The following MAP7 variants were observed in gnomAD, a reference collection of about 807,000 sequenced individuals.
MAP7 encodes the protein ensconsin.
MAP7 carries 52 observed loss-of-function variants against 94.8 expected under a neutral mutation model. The observed-to-expected ratio is 0.55, with a 90% confidence interval of 0.44 to 0.69. The LOEUF is 0.69. Among genes scored for constraint, MAP7 ranks in the 30% least tolerant of loss-of-function variants. The pLI is 0.00. For synonymous variants in MAP7, 350 were observed against 357.0 expected (o/e 0.98, Z 0.22); for missense variants, 940 against 964.6 (o/e 0.97, Z 0.34).
At position 136,365,861 on chromosome 6, in the gene MAP7, T is replaced by C; in HGVS notation, c.1147A>G (p.Lys383Glu). The change falls in exon 10 of 18, where the codon AAA (lysine) becomes GAA (glutamate). Residue 383 changes from lysine to glutamate, a missense_variant. Lys to Glu is a moderately conservative substitution (Grantham distance 56). Transcript: ENST00000354570. ...KREVKVEPEKKDPEKEPQKVA... is the reference protein window; with the variant it reads ...KREVKVEPEKEDPEKEPQKVA... ...TTCTGAGGTTCCTTCTCAGGATCTTTCTTCTCAGGCTCCACTTTGACTTCC... is the reference window on the plus strand; with the variant it reads ...TTCTGAGGTTCCTTCTCAGGATCTTCCTTCTCAGGCTCCACTTTGACTTCC... The C allele has an allele frequency of 6.2e-7, 1 of 1,614,158 alleles. No individual in the cohort carries two copies. The highest frequency in any genetic ancestry group is 8.5e-7 in the Non-Finnish European group (1 of 1,180,028).
At chr6:136,401,967 T>C (rs1784226151) in intron 3 of MAP7, among the ~76,000 whole-genome samples, 2 of 152,298 alleles carry the variant, frequency 1.3e-5, no homozygotes, top group South Asian at 4.1e-4. Context: ...CTCAGAGATA[T>C]CTTCCTCAAG....
chr6:136,423,873 G>A (rs574212813), intron 1 of MAP7, among the ~76,000 whole-genome samples: 17 of 150,482 alleles, frequency 1.1e-4, no homozygotes, highest in African/African-American at 1.9e-4. Flanking sequence ...TTGGCTCACC[G>A]GCAACCCCCG....
intron 1 of MAP7, among the ~76,000 whole-genome samples, chr6:136,520,226 A>C (rs1825997803): frequency 6.6e-6 from 1 of 150,474 alleles, no homozygotes; most frequent in African/African-American, 2.5e-5. Flanking sequence ...AGGGGGGAGG[A>C]GCAGGAGGAG....
At chr6:136,456,822 G>GAAGAAGAAGAAGAAGGAAGAAGAA in intron 1 of MAP7, among the ~76,000 whole-genome samples, 1 of 69,040 alleles carries the variant, frequency 1.4e-5, no homozygotes, top group East Asian at 6.8e-4. Context: ...AGAAGAAGAA[G>GAAGAAGAAGAAGAAGGAAGAAGAA]GAAGAAGAAG....
In MAP7 at chr6:136,365,809, C is replaced by A. The variant is rs766886454; in HGVS notation, c.1199G>T (p.Gly400Val). 6.2e-7 allele frequency: 1 copy of A among 1,613,992 alleles called. No individual in the cohort carries two copies. Among genetic ancestry groups the A allele is most frequent in the Non-Finnish European group, 8.5e-7 (1 of 1,179,994 alleles). ...TTCTACCTTCACTAAAGGTGCTCTG[C>A]CCTTTAGTGAGGGCTCATTGGCAAC... The part of the protein sequence containing the change: ...QKVANEPSLK[G>V]RAPLVKVEEA... The change falls in exon 10 of 18, where the codon GGC (glycine) becomes GTC (valine). Residue 400 changes from glycine to valine, a missense_variant. Physicochemically the swap from Gly to Val is moderately radical, Grantham distance 109. Coordinates refer to ENST00000354570, the MANE Select transcript of MAP7 (RefSeq NM_003980.6).
chr6:136,415,737 C>T (rs528726151), intron 2 of MAP7, among the ~76,000 whole-genome samples: 10 of 152,272 alleles, frequency 6.6e-5, no homozygotes, highest in African/African-American at 2.4e-4. Flanking sequence ...ATGTAAAAAA[C>T]CAAACTTTTA....
intron 1 of MAP7, among the ~76,000 whole-genome samples, chr6:136,461,121 T>A (rs1216421561): frequency 1.3e-5 from 2 of 152,186 alleles, no homozygotes; most frequent in Non-Finnish European, 2.9e-5. Context: ...TAGTCAAGGA[T>A]ATAATTAAGA....
Position 136,379,464 on chromosome 6 carries a change from C to T in MAP7, c.638-1596G>A, listed in dbSNP as rs576307115. On this transcript the variant is annotated intron_variant, in intron 6 of 17. Transcript: ENST00000354570. Reference sequence around the variant, plus strand: ...TGCAATAGTTACAATTAGAAAGCACCACGGGCTAAGTACTATCATAAGCTA... The same window carrying T: ...TGCAATAGTTACAATTAGAAAGCACTACGGGCTAAGTACTATCATAAGCTA... Among the ~76,000 whole-genome samples, 4 of 152,096 alleles carry T rather than the reference C, an allele frequency of 2.6e-5. No individual in the cohort carries two copies. In the South Asian group the frequency reaches 8.3e-4, roughly 32 times the overall value.
chr6:136,346,097 T>A lies in MAP7; in HGVS notation c.2016-18A>T. The A allele has an allele frequency of 6.6e-7, 1 of 1,507,358 alleles. No individual in the cohort carries two copies. The highest frequency in any genetic ancestry group is 9.1e-7 in the Non-Finnish European group (1 of 1,094,262). The allele number at this position is 1,507,358 out of a possible 1,614,324, so 93.4% of individuals were successfully genotyped here. A position where few individuals can be genotyped will look rare whatever the true frequency, so the allele number is the denominator to read the frequency against. On this transcript the variant is annotated intron_variant, in intron 16 of 17. Transcript: ENST00000354570. ...CGGGAGTGCTAAGGAATTTGAAAAATAAAAATAGAAATAAGTTAGTCTTAA... is the reference window on the plus strand; with the variant it reads ...CGGGAGTGCTAAGGAATTTGAAAAAAAAAAATAGAAATAAGTTAGTCTTAA...
intron 1 of MAP7, among the ~76,000 whole-genome samples, chr6:136,483,707 C>T (rs563914513): frequency 2.6e-5 from 4 of 152,146 alleles, no homozygotes; most frequent in Non-Finnish European, 2.9e-5. Flanking sequence ...AATACACTGA[C>T]GTTTTCTCCA....
At chr6:136,458,424 A>G (rs1403118123) in intron 1 of MAP7, among the ~76,000 whole-genome samples, 3 of 152,184 alleles carry the variant, frequency 2.0e-5, no homozygotes, top group African/African-American at 7.2e-5. Flanking sequence ...TAGGAAAAAC[A>G]GTCCTATAAT....
intron 1 of MAP7, among the ~76,000 whole-genome samples, chr6:136,427,147 G>T (rs535358170): frequency 2.0e-4 from 30 of 152,350 alleles, no homozygotes; most frequent in African/African-American, 7.0e-4. Flanking sequence ...AGTAGGGGAA[G>T]AGTAGAGTCA....
chr6:136,534,815 C>T (rs930592246), intron 1 of MAP7, among the ~76,000 whole-genome samples: 1 of 152,058 alleles, frequency 6.6e-6, no homozygotes, highest in African/African-American at 2.4e-5. Context: ...ACTAAGCAGC[C>T]TGTTCATCTG....
chr6:136,410,901 C>CACTCTGT (rs1282639482), intron 3 of MAP7, among the ~76,000 whole-genome samples: 3 of 152,234 alleles, frequency 2.0e-5, no homozygotes, highest in African/African-American at 7.2e-5. Context: ...TCTGTACACG[C>CACTCTGT]ACATGCTGAC....
chr6:136,413,487 G>A (rs1176072773), intron 2 of MAP7, among the ~76,000 whole-genome samples: 1 of 149,920 alleles, frequency 6.7e-6, no homozygotes, highest in African/African-American at 2.5e-5. Context: ...GCATGCCACT[G>A]CACTCCAGCC....
intron 3 of MAP7, among the ~76,000 whole-genome samples, chr6:136,410,810 A>T (rs1787205964): frequency 6.6e-6 from 1 of 152,272 alleles, no homozygotes; most frequent in Admixed American, 6.5e-5. Context: ...TACAAAATGC[A>T]GAACAACTTT....
intron 1 of MAP7, among the ~76,000 whole-genome samples, chr6:136,531,004 G>T (rs1228402679): frequency 6.9e-6 from 1 of 144,734 alleles, no homozygotes; most frequent in Non-Finnish European, 1.5e-5. Context: ...TTATACAAAT[G>T]TAAGGTGTGG....
At chr6:136,430,641 A>C (rs370865810) in intron 1 of MAP7, among the ~76,000 whole-genome samples, 4 of 152,328 alleles carry the variant, frequency 2.6e-5, no homozygotes, top group African/African-American at 9.6e-5. Flanking sequence ...TAGGTTCTGA[A>C]CGTTTATTCC....
intron 2 of MAP7, among the ~76,000 whole-genome samples, chr6:136,417,995 A>T (rs1165604056): frequency 2.0e-5 from 3 of 152,226 alleles, no homozygotes; most frequent in Non-Finnish European, 4.4e-5. Context: ...AAGGAAGTCA[A>T]ACTATTAATC....
Sources: allele counts gnomAD v4.1 joint callset (sites outside exome capture counted in the v4.1 genomes callset), GRCh38; gene constraint gnomAD v4.1.1; transcripts MANE v1.5; gene names NCBI Gene and HGNC (gene_info 2026-07-23, HGNC 2026-07-21).